Variants in CYRIA observed in about 807,000 individuals in gnomAD.
The protein encoded by CYRIA is CYFIP related Rac1 interactor A.
CYRIA carries 15 observed loss-of-function variants against 43.9 expected under a neutral mutation model. The observed-to-expected ratio is 0.34, with a 90% confidence interval of 0.23 to 0.53. CYRIA has a LOEUF of 0.53. Among genes scored for constraint, CYRIA ranks in the 20% least tolerant of loss-of-function variants. CYRIA has a pLI of 0.94. For missense variants in CYRIA, 236 were observed against 394.2 expected, an observed-to-expected ratio of 0.60 and a Z score of 3.40; for synonymous variants, 117 against 136.0, an observed-to-expected ratio of 0.86 and a Z score of 0.97.
chr2:16,593,977 GT>G (rs1228280073), intron 2 of CYRIA, among the ~76,000 whole-genome samples: 2 of 100,742 alleles, frequency 2.0e-5, no homozygotes, highest in African/African-American at 3.9e-5. Context: ...AATATGCGGT[GT>G]TTGGTTTTTT....
intron 10 of CYRIA, among the ~76,000 whole-genome samples, chr2:16,556,745 G>T (rs1168533471): frequency 6.6e-6 from 1 of 152,094 alleles, no homozygotes; most frequent in African/African-American, 2.4e-5. Context: ...GAGAGCCCCT[G>T]AGGGTGTGAG....
intron 1 of CYRIA, among the ~76,000 whole-genome samples, chr2:16,636,294 T>C (rs1553348850): frequency 6.6e-6 from 1 of 152,154 alleles, no homozygotes; most frequent in Non-Finnish European, 1.5e-5. Context: ...CAAAGCCCTT[T>C]AATTAAAAGC....
intron 9 of CYRIA, 136 bp from the exon 10 acceptor site, chr2:16,559,722 G>T (rs1666663351): frequency 1.1e-6 from 1 of 898,056 alleles, no homozygotes; most frequent in Non-Finnish European, 1.6e-6. Flanking sequence ...CAGTTAATAT[G>T]CTTCTGAGGA....
At chr2:16,591,003 GT>G (rs2103463820) in intron 2 of CYRIA, among the ~76,000 whole-genome samples, 1 of 152,078 alleles carries the variant, frequency 6.6e-6, no homozygotes, top group African/African-American at 2.4e-5. Flanking sequence ...TGGACCCAGA[GT>G]TTCACTTGGA....
At chr2:16,601,045 G>T (rs974711291) in intron 2 of CYRIA, among the ~76,000 whole-genome samples, 1 of 152,162 alleles carries the variant, frequency 6.6e-6, no homozygotes, top group African/African-American at 2.4e-5. Context: ...TATGTGTAGG[G>T]TGCTGTATTG....
At chr2:16,588,595 G>A (rs992246084) in intron 2 of CYRIA, among the ~76,000 whole-genome samples, 4 of 152,060 alleles carry the variant, frequency 2.6e-5, no homozygotes, top group African/African-American at 7.2e-5. Flanking sequence ...TTAGATAGAT[G>A]TGGAACATGT....
At chr2:16,616,094 C>T (rs1668778108) in intron 2 of CYRIA, among the ~76,000 whole-genome samples, 1 of 152,160 alleles carries the variant, frequency 6.6e-6, no homozygotes, top group Admixed American at 6.5e-5. Context: ...GGGGACGAGG[C>T]CAGCCTGCCT....
intron 10 of CYRIA, 132 bp from the exon 11 acceptor site, chr2:16,555,271 A>T: frequency 3.7e-6 from 3 of 811,660 alleles, no homozygotes; most frequent in Non-Finnish European, 5.9e-6. Context: ...AATGACCAAC[A>T]GGTTTTCCTA....
chr2:16,627,523 A>G (rs1171057901), intron 1 of CYRIA, among the ~76,000 whole-genome samples: 1 of 152,168 alleles, frequency 6.6e-6, no homozygotes, highest in Non-Finnish European at 1.5e-5. Flanking sequence ...AGGCATTATT[A>G]TTGTCCCCTT....
chr2:16,553,445 G>A (rs898934623), intron 11 of CYRIA, among the ~76,000 whole-genome samples: 1 of 152,082 alleles, frequency 6.6e-6, no homozygotes, highest in Non-Finnish European at 1.5e-5. Context: ...ACAAATGCTG[G>A]TAAGCAAACC....
At chr2:16,579,419 G>GCA (rs35850813) in intron 3 of CYRIA, among the ~76,000 whole-genome samples, 12,304 of 147,226 alleles carry the variant, frequency 0.084, 578 homozygotes, top group African/African-American at 0.13. Flanking sequence ...ACATGCACAT[G>GCA]CACACACACA....
At chr2:16,645,942 C>T (rs979839179) in intron 1 of CYRIA, among the ~76,000 whole-genome samples, 3 of 152,198 alleles carry the variant, frequency 2.0e-5, no homozygotes, top group Non-Finnish European at 2.9e-5. Flanking sequence ...TGCTTATACA[C>T]GCACACACCC....
chr2:16,635,590 A>C (rs1428594443), intron 1 of CYRIA, among the ~76,000 whole-genome samples: 3 of 152,158 alleles, frequency 2.0e-5, no homozygotes, highest in African/African-American at 7.2e-5. Flanking sequence ...CCACAGTGAC[A>C]CCAGGCAGAA....
chr2:16,608,627 A>T (rs1416663839), intron 2 of CYRIA, among the ~76,000 whole-genome samples: 2 of 152,142 alleles, frequency 1.3e-5, no homozygotes, highest in East Asian at 3.8e-4. Context: ...CCTTGTTAGT[A>T]AAATGCAAAT....
chr2:16,608,457 A>G (rs1356127600), intron 2 of CYRIA, among the ~76,000 whole-genome samples: 1 of 152,178 alleles, frequency 6.6e-6, no homozygotes, highest in Non-Finnish European at 1.5e-5. Context: ...TTAAGATCGC[A>G]AATTTCAGTT....
chr2:16,604,639 G>A (rs947974395), intron 2 of CYRIA, among the ~76,000 whole-genome samples: 3 of 152,150 alleles, frequency 2.0e-5, no homozygotes, highest in Non-Finnish European at 4.4e-5. Flanking sequence ...TCATCTAAAG[G>A]TACATTTCTT....
intron 1 of CYRIA, among the ~76,000 whole-genome samples, chr2:16,640,764 G>A (rs150962502): frequency 6.6e-6 from 1 of 152,198 alleles, no homozygotes; most frequent in African/African-American, 2.4e-5. Flanking sequence ...ACACAGTGCA[G>A]GTAGAGAGTC....
intron 3 of CYRIA, among the ~76,000 whole-genome samples, chr2:16,575,154 T>G (rs1456742261): frequency 6.6e-6 from 1 of 152,156 alleles, no homozygotes; most frequent in Non-Finnish European, 1.5e-5. Flanking sequence ...CCCTCTGTTT[T>G]GGCCAATTTC....
intron 1 of CYRIA, among the ~76,000 whole-genome samples, chr2:16,658,711 C>A (rs949782056): frequency 6.6e-6 from 1 of 151,612 alleles, no homozygotes; most frequent in Non-Finnish European, 1.5e-5. Context: ...TTTTTCTTTT[C>A]TTTTCCTTCC....
Sources: allele counts gnomAD v4.1 joint callset (sites outside exome capture counted in the v4.1 genomes callset), GRCh38; gene constraint gnomAD v4.1.1; transcripts MANE v1.5; gene names NCBI Gene and HGNC (gene_info 2026-07-23, HGNC 2026-07-21).